Variants in SPATA22 observed in about 807,000 individuals in gnomAD.
SPATA22 encodes spermatogenesis-associated protein 22.
A neutral mutation model predicts 47.8 loss-of-function variants in SPATA22; 29 were observed. The observed-to-expected ratio is 0.61, with a 90% confidence interval of 0.45 to 0.83. The LOEUF (loss-of-function observed/expected upper bound fraction) is 0.83, where lower values mean the gene tolerates loss of function less well. Among genes scored for constraint, SPATA22 ranks in the 40% least tolerant of loss-of-function variants. SPATA22 has a pLI of 0.00. For synonymous variants in SPATA22, 133 were observed against 140.9 expected (o/e 0.94, Z 0.40); for missense variants, 410 against 421.7 (o/e 0.97, Z 0.24).
At chr17:3,477,697 G>C (rs990628779) in intron 1 of SPATA22, among the ~76,000 whole-genome samples, 1 of 152,022 alleles carries the variant, frequency 6.6e-6, no homozygotes, top group Non-Finnish European at 1.5e-5. Flanking sequence ...CAGGTGATCT[G>C]CCTGCCTCAG....
rs1476434807 is a variant in SPATA22 at position 3,493,853 on chromosome 17, GC to G, written c.-74+19558del. 3.3e-5 allele frequency among the ~76,000 whole-genome samples: 5 copies of G among 152,126 alleles called. No individual in the cohort carries two copies. The East Asian group carries it at 9.7e-4, about 29-fold the overall frequency. ...TTTTCAGTTCTGTTTTCTACCTCTG[GC>G]CGTCGGCGTGTTTGTGGACAGAGTG... On this transcript the variant is annotated intron_variant, in intron 1 of 8. Coordinates refer to the SPATA22 transcript ENST00000541913.
chr17:3,489,966 G>A (rs2073796574), intron 1 of SPATA22, among the ~76,000 whole-genome samples: 1 of 152,190 alleles, frequency 6.6e-6, no homozygotes, highest in South Asian at 2.1e-4. Flanking sequence ...CCTGTTGGTG[G>A]AGAGTTAAAT....
chr17:3,503,105 G>C (rs1284630620), intron 1 of SPATA22: 1 of 152,232 alleles, frequency 6.6e-6, no homozygotes, highest in Non-Finnish European at 1.5e-5. Context: ...TTAGGCCACA[G>C]CAGCCAATAA....
chr17:3,480,185 A>C (rs1219730328), intron 1 of SPATA22, among the ~76,000 whole-genome samples: 1 of 152,238 alleles, frequency 6.6e-6, no homozygotes, highest in Non-Finnish European at 1.5e-5. Context: ...GCCTGAGGCC[A>C]AGACTTCTGT....
At chr17:3,496,313 A>C (rs1280655024) in intron 1 of SPATA22, among the ~76,000 whole-genome samples, 2 of 152,236 alleles carry the variant, frequency 1.3e-5, no homozygotes, top group Non-Finnish European at 2.9e-5. Context: ...ACAATATGTA[A>C]ACCAAATCAT....
chr17:3,469,208 C>T (rs1340898291), intron 2 of SPATA22, 75 bp downstream of exon 2: 2 of 669,514 alleles, frequency 3.0e-6, no homozygotes, highest in African/African-American at 3.7e-5. Flanking sequence ...AAATTTATTT[C>T]CAATGTTATA....
intron 1 of SPATA22, among the ~76,000 whole-genome samples, chr17:3,487,307 AG>A (rs1266346985): frequency 6.6e-6 from 1 of 152,160 alleles, no homozygotes; most frequent in East Asian, 1.9e-4. Context: ...CTTTTTTCCC[AG>A]TGAGTGCATG....
chr17:3,491,754 A>AG (rs1567616041), intron 1 of SPATA22, among the ~76,000 whole-genome samples: 1 of 151,406 alleles, frequency 6.6e-6, no homozygotes. Flanking sequence ...TCAAAAAAAA[A>AG]AAAGAAAGAA....
At chr17:3,480,559 A>G (rs2073610229) in intron 1 of SPATA22, among the ~76,000 whole-genome samples, 1 of 152,190 alleles carries the variant, frequency 6.6e-6, no homozygotes, top group Admixed American at 6.5e-5. Flanking sequence ...AAATATCTCA[A>G]GCCCTGATCT....
chr17:3,464,515 C>T (rs539710900), intron 3 of SPATA22, among the ~76,000 whole-genome samples: 3 of 131,880 alleles, frequency 2.3e-5, no homozygotes, highest in East Asian at 2.2e-4. Context: ...GCCCGGCCGC[C>T]GTCCCATCTA....
At chr17:3,444,213 C>G (rs1020253926) in intron 7 of SPATA22, among the ~76,000 whole-genome samples, 6 of 152,004 alleles carry the variant, frequency 3.9e-5, no homozygotes, top group Non-Finnish European at 7.4e-5. Context: ...GCCTCCATTT[C>G]TGCTAAAAAG....
chr17:3,453,799 T>C (rs886893602), intron 5 of SPATA22, among the ~76,000 whole-genome samples: 15 of 151,980 alleles, frequency 9.9e-5, no homozygotes, highest in Admixed American at 2.6e-4. Flanking sequence ...TATTCCAAAC[T>C]ACAAAAAAAT....
At chr17:3,510,576 T>C (rs1360686328) in intron 1 of SPATA22, 1 of 152,262 alleles carries the variant, frequency 6.6e-6, no homozygotes, top group African/African-American at 2.4e-5. Context: ...TCTTACTCTT[T>C]GTATGATTTC....
At position 3,471,699 on chromosome 17, in the gene SPATA22, C is replaced by T; in HGVS notation, c.-91G>A. ...CAACGCACAGTCTTTCCCTTCTAGG[C>T]CCTCCTGCCAACACGACACACAACT... On this transcript the variant is annotated 5_prime_UTR_variant, in exon 1 of 9. Transcript: ENST00000572969. The T allele has an allele frequency of 1.0e-6, 1 of 985,554 alleles. No individual in the cohort carries two copies. Among genetic ancestry groups the T allele is most frequent in the Non-Finnish European group, 1.2e-6 (1 of 830,028 alleles). 61.1% of individuals were successfully genotyped at this position (985,554 alleles called of 1,614,324 possible).
intron 1 of SPATA22, among the ~76,000 whole-genome samples, chr17:3,478,584 G>C (rs2073572381): frequency 6.6e-6 from 1 of 152,158 alleles, no homozygotes. Flanking sequence ...TTCCCAAATA[G>C]GTGTGAAATG....
At chr17:3,496,506 A>G (rs937994792) in intron 1 of SPATA22, among the ~76,000 whole-genome samples, 2 of 152,222 alleles carry the variant, frequency 1.3e-5, no homozygotes, top group Non-Finnish European at 2.9e-5. Context: ...CTGAGGCTGG[A>G]ACAAACTTGG....
chr17:3,449,656 AG>A (rs899308129), intron 5 of SPATA22, among the ~76,000 whole-genome samples: 34 of 152,334 alleles, frequency 2.2e-4, no homozygotes, highest in Middle Eastern at 3.4e-3. Flanking sequence ...ATATTTGATT[AG>A]AAATTTTGTG....
At chr17:3,458,688 G>A (rs529592812) in intron 5 of SPATA22, among the ~76,000 whole-genome samples, 5 of 151,340 alleles carry the variant, frequency 3.3e-5, no homozygotes, top group East Asian at 3.9e-4. Flanking sequence ...ACTAAAATAC[G>A]AAATTAGCCA....
At chr17:3,469,222 A>G in intron 2 of SPATA22, 61 bp downstream of exon 2, 2 of 773,702 alleles carry the variant, frequency 2.6e-6, no homozygotes, top group Non-Finnish European at 4.2e-6. Flanking sequence ...TGTTATATCT[A>G]TAAACTATAC....
Sources: allele counts gnomAD v4.1 joint callset (sites outside exome capture counted in the v4.1 genomes callset), GRCh38; gene constraint gnomAD v4.1.1; transcripts MANE v1.5; gene names NCBI Gene and HGNC (gene_info 2026-07-23, HGNC 2026-07-21).